RABGAP1L: variants seen among roughly 807,000 people sequenced by gnomAD.
RABGAP1L encodes the protein RAB GTPase activating protein 1 like.
Under a neutral mutation model 137.7 loss-of-function variants are expected in RABGAP1L, and 63 were observed. The ratio of observed to expected loss-of-function variants is 0.46; its 90% CI spans 0.37 to 0.56. The LOEUF is 0.56. Ranked by LOEUF, RABGAP1L falls within the 20% of genes least tolerant of loss-of-function variation. The pLI, the probability that RABGAP1L is intolerant of heterozygous loss-of-function variation, is 0.00. For synonymous variants in RABGAP1L, 431 were observed against 433.7 expected, an observed-to-expected ratio of 0.99 and a Z score of 0.08; for missense variants, 1,095 against 1,244.0, an observed-to-expected ratio of 0.88 and a Z score of 1.80.
At chr1:174,935,385 A>G (rs1405936301) in intron 19 of RABGAP1L, 1 of 152,248 alleles carries the variant, frequency 6.6e-6, no homozygotes, top group African/African-American at 2.4e-5. Context: ...ACATATAAAC[A>G]TATACCCACT....
chr1:174,347,486 TGTGTGTGTGTGTG>T (rs1682545296), intron 11 of RABGAP1L, among the ~76,000 whole-genome samples: 1 of 151,566 alleles, frequency 6.6e-6, no homozygotes, highest in Non-Finnish European at 1.5e-5. Flanking sequence ...TGTGTGTGTG[TGTGTGTGTGTGTG>T]TTTTTTTCTT....
At chr1:174,436,910 A>G (rs1011915751) in intron 13 of RABGAP1L, among the ~76,000 whole-genome samples, 2 of 137,054 alleles carry the variant, frequency 1.5e-5, no homozygotes, top group Non-Finnish European at 3.2e-5. Flanking sequence ...TTGCGGTTCA[A>G]CAATATCTGC....
intron 17 of RABGAP1L, among the ~76,000 whole-genome samples, chr1:174,709,763 C>T (rs997432275): frequency 6.6e-6 from 1 of 152,136 alleles, no homozygotes; most frequent in African/African-American, 2.4e-5. Context: ...AACCAGAATG[C>T]CTCTTCTCCA....
chr1:174,206,707 C>T lies in RABGAP1L; in HGVS notation c.-33-12418C>T, dbSNP rs560528982. On this transcript the variant is annotated intron_variant, in intron 1 of 25. Transcript: ENST00000681986. ...TTTGGCACTGAAGGAAATTAGATCA[C>T]GTGCACTGTGATTGCACACTTTCGA... Among the ~76,000 whole-genome samples, 18 of 152,252 alleles carry T rather than the reference C, an allele frequency of 1.2e-4. No homozygotes were observed. In the East Asian group the frequency reaches 2.7e-3, roughly 23 times the overall value.
At chr1:174,421,984 G>T (rs891826271) in intron 13 of RABGAP1L, among the ~76,000 whole-genome samples, 1 of 152,112 alleles carries the variant, frequency 6.6e-6, no homozygotes, top group African/African-American at 2.4e-5. Context: ...GGCCAGGCTG[G>T]TCTTGAACTC....
intron 1 of RABGAP1L, among the ~76,000 whole-genome samples, chr1:174,192,318 G>GTTTTT (rs3056994): frequency 1.8e-5 from 2 of 112,944 alleles, no homozygotes; most frequent in Admixed American, 9.5e-5. Context: ...TGTCTGAGGT[G>GTTTTT]TTTTTTTTTT....
intron 19 of RABGAP1L, among the ~76,000 whole-genome samples, chr1:174,895,199 G>A (rs1008101757): frequency 6.6e-6 from 1 of 152,158 alleles, no homozygotes; most frequent in African/African-American, 2.4e-5. Context: ...ATTCTTTCAA[G>A]TTTGTTTGGA....
chr1:174,426,313 C>T (rs1651949297), intron 13 of RABGAP1L, among the ~76,000 whole-genome samples: 1 of 152,068 alleles, frequency 6.6e-6, no homozygotes, highest in African/African-American at 2.4e-5. Flanking sequence ...GATTCTCTCA[C>T]ATTTCTGAAG....
intron 13 of RABGAP1L, among the ~76,000 whole-genome samples, chr1:174,542,719 T>C (rs985081160): frequency 3.9e-5 from 6 of 152,240 alleles, no homozygotes; most frequent in African/African-American, 7.2e-5. Flanking sequence ...CTGTTTACTC[T>C]TGTGGGCATT....
At chr1:174,676,705 A>G (rs1677655277) in intron 14 of RABGAP1L, among the ~76,000 whole-genome samples, 1 of 152,200 alleles carries the variant, frequency 6.6e-6, no homozygotes, top group African/African-American at 2.4e-5. Flanking sequence ...TAGTATTCCA[A>G]CATCTTTGGA....
chr1:174,393,247 A>T (rs1647370575), intron 12 of RABGAP1L, among the ~76,000 whole-genome samples: 1 of 152,174 alleles, frequency 6.6e-6, no homozygotes, highest in Non-Finnish European at 1.5e-5. Context: ...TTTAATGAGC[A>T]CTTGCTGTTG....
chr1:174,203,558 T>TA (rs1378299158), intron 1 of RABGAP1L, among the ~76,000 whole-genome samples: 1 of 152,242 alleles, frequency 6.6e-6, no homozygotes, highest in East Asian at 1.9e-4. Flanking sequence ...TCAGCTTTGT[T>TA]ATTTTTGCTT....
chr1:174,552,937 A>T (rs922468880), intron 13 of RABGAP1L, among the ~76,000 whole-genome samples: 11 of 152,214 alleles, frequency 7.2e-5, no homozygotes, highest in African/African-American at 2.7e-4. Context: ...GTGAGATGGT[A>T]TCTCATTGTG....
chr1:174,399,040 T>C (rs1648226808), intron 13 of RABGAP1L, among the ~76,000 whole-genome samples: 1 of 152,152 alleles, frequency 6.6e-6, no homozygotes, highest in Non-Finnish European at 1.5e-5. Context: ...GTTAATACAG[T>C]TATCAAAAAC....
At chr1:174,973,107 C>T (rs1304046408) in intron 21 of RABGAP1L, among the ~76,000 whole-genome samples, 1 of 152,090 alleles carries the variant, frequency 6.6e-6, no homozygotes, top group African/African-American at 2.4e-5. Flanking sequence ...AACAATTGCT[C>T]CTACTTTTCT....
At chr1:174,172,208 G>GTGTT (rs1665466765) in intron 1 of RABGAP1L, among the ~76,000 whole-genome samples, 1 of 124,790 alleles carries the variant, frequency 8.0e-6, no homozygotes, top group Non-Finnish European at 1.7e-5. Flanking sequence ...GTGTGTGTGT[G>GTGTT]TGTGTGTGTA....
At chr1:174,195,755 CTT>C (rs1304849767) in intron 1 of RABGAP1L, among the ~76,000 whole-genome samples, 1 of 128,002 alleles carries the variant, frequency 7.8e-6, no homozygotes, top group Non-Finnish European at 1.7e-5. Flanking sequence ...TTCTTTCTCT[CTT>C]TCTCTCTTTC....
At chr1:174,402,151 A>G (rs1648672286) in intron 13 of RABGAP1L, among the ~76,000 whole-genome samples, 1 of 152,136 alleles carries the variant, frequency 6.6e-6, no homozygotes, top group South Asian at 2.1e-4. Flanking sequence ...TATCCTTTCC[A>G]TGTAAGCCTC....
chr1:174,367,580 C>A, intron 11 of RABGAP1L: 1 of 270,804 alleles, frequency 3.7e-6, no homozygotes, highest in South Asian at 4.8e-5. Flanking sequence ...CTGGTTAGGT[C>A]TCTTGAGAAC....
Sources: gnomAD v4.1 joint callset for allele counts (sites outside exome capture counted in the v4.1 genomes callset) on GRCh38, gnomAD v4.1.1 for gene constraint, MANE v1.5 for transcripts, NCBI Gene and HGNC (gene_info 2026-07-23, HGNC 2026-07-21) for gene names.